UGT3A2: variants seen among roughly 807,000 people sequenced by gnomAD.
The protein encoded by UGT3A2 is UDP glycosyltransferase family 3 member A2.
A neutral mutation model predicts 39.8 loss-of-function variants in UGT3A2; 32 were observed. The observed-to-expected ratio is 0.80, with a 90% confidence interval of 0.61 to 1.08. The LOEUF (loss-of-function observed/expected upper bound fraction) is 1.08. Ranked by LOEUF, UGT3A2 falls within the 50% of genes least tolerant of loss-of-function variation. The probability of loss-of-function intolerance (pLI) is 0.00; values close to 1 mark genes in which losing one functional copy is unlikely to be tolerated. For missense variants in UGT3A2, 611 were observed against 637.1 expected (o/e 0.96, Z 0.44); for synonymous variants, 241 against 230.7 (o/e 1.04, Z -0.40).
chr5:36,041,748 C>G (rs1424909987), intron 4 of UGT3A2, among the ~76,000 whole-genome samples: 1 of 152,190 alleles, frequency 6.6e-6, no homozygotes, highest in African/African-American at 2.4e-5. Context: ...ACTCAATTCC[C>G]TTTGCACACT....
intron 2 of UGT3A2, among the ~76,000 whole-genome samples, chr5:36,061,718 T>C (rs1200850053): frequency 6.6e-6 from 1 of 151,510 alleles, no homozygotes; most frequent in Non-Finnish European, 1.5e-5. Flanking sequence ...CATGTGTCTT[T>C]ATAGCAGCAT....
intron 1 of UGT3A2, among the ~76,000 whole-genome samples, chr5:36,066,321 A>C (rs528668452): frequency 2.6e-4 from 39 of 152,096 alleles, no homozygotes; most frequent in Non-Finnish European, 4.7e-4. Flanking sequence ...CTGTGCACCC[A>C]CACACACGCA....
chr5:36,055,944 A>G (rs146726599), intron 2 of UGT3A2, among the ~76,000 whole-genome samples: 2 of 152,218 alleles, frequency 1.3e-5, no homozygotes, highest in Non-Finnish European at 2.9e-5. Context: ...ATCTTGTCCT[A>G]TCCATCTTTT....
intron 3 of UGT3A2, 56 bp from the exon 4 acceptor site, chr5:36,049,476 T>C (rs1742276210): frequency 1.5e-6 from 2 of 1,332,966 alleles, no homozygotes; most frequent in East Asian, 4.7e-5. Context: ...TTACAGTACA[T>C]AAAAGTATCT....
At chr5:36,038,194 C>T (rs940045909) in intron 5 of UGT3A2, among the ~76,000 whole-genome samples, 178 bp from the exon 6 acceptor site, 1 of 152,052 alleles carries the variant, frequency 6.6e-6, no homozygotes, top group African/African-American at 2.4e-5. Flanking sequence ...AGATTCCAAG[C>T]GTTGCTATCG....
At chr5:36,045,668 T>C (rs1384079251) in intron 4 of UGT3A2, among the ~76,000 whole-genome samples, 1 of 151,828 alleles carries the variant, frequency 6.6e-6, no homozygotes, top group African/African-American at 2.4e-5. Context: ...GACCTCAAGC[T>C]ATTAAACTAC....
chr5:36,064,218 A>G, intron 2 of UGT3A2, 31 bp downstream of exon 2: 3 of 1,592,024 alleles, frequency 1.9e-6, no homozygotes, highest in Non-Finnish European at 2.6e-6. Context: ...TGCTTGGAGT[A>G]GGAGAAATCA....
At position 36,049,231 on chromosome 5, in the gene UGT3A2, G is replaced by C. The variant is rs1379187050; in HGVS notation, c.501C>G (p.Ser167=). The C allele has an allele frequency of 6.2e-7, 1 of 1,613,998 alleles. No homozygotes were observed. Among genetic ancestry groups the C allele is most frequent in the Non-Finnish European group, 8.5e-7 (1 of 1,180,018 alleles). Residue 167 remains serine, a synonymous_variant, in exon 4 of 7, where the codon TCC becomes TCG. Transcript: ENST00000282507. ...KLGKPFVAIL[S]TSFGSLEFGL... Reference sequence around the variant, plus strand: ...CAAATTCCAAAGAGCCGAATGAAGTGGAAAGAATGGCCACAAATGGCTTCC... The same window carrying C: ...CAAATTCCAAAGAGCCGAATGAAGTCGAAAGAATGGCCACAAATGGCTTCC...
At chr5:36,046,332 C>T (rs1001944127) in intron 4 of UGT3A2, among the ~76,000 whole-genome samples, 1 of 152,200 alleles carries the variant, frequency 6.6e-6, no homozygotes, top group African/African-American at 2.4e-5. Flanking sequence ...CTGCACTATT[C>T]GCTGTAGCCA....
chr5:36,049,765 C>T (rs755438522), intron 3 of UGT3A2, among the ~76,000 whole-genome samples: 1 of 152,108 alleles, frequency 6.6e-6, no homozygotes, highest in Non-Finnish European at 1.5e-5. Flanking sequence ...CTGTTTAGCC[C>T]TCATTTACAC....
At chr5:36,048,418 C>T (rs983653438) in intron 4 of UGT3A2, among the ~76,000 whole-genome samples, 2 of 152,212 alleles carry the variant, frequency 1.3e-5, no homozygotes, top group African/African-American at 2.4e-5. Flanking sequence ...GGCAGGGAAC[C>T]CTGGAGATAA....
chr5:36,053,872 C>T (rs1742425216), intron 2 of UGT3A2, among the ~76,000 whole-genome samples: 1 of 152,184 alleles, frequency 6.6e-6, no homozygotes, highest in African/African-American at 2.4e-5. Context: ...GCAATCACAT[C>T]ACTCTGATTT....
At chr5:36,036,849 A>T (rs2111684202) in intron 6 of UGT3A2, among the ~76,000 whole-genome samples, 1 of 152,242 alleles carries the variant, frequency 6.6e-6, no homozygotes, top group East Asian at 1.9e-4. Context: ...ACTCTAATAA[A>T]TTATTCAGTC....
chr5:36,061,781 G>A (rs1398186363), intron 2 of UGT3A2, among the ~76,000 whole-genome samples: 1 of 152,010 alleles, frequency 6.6e-6, no homozygotes, highest in Non-Finnish European at 1.5e-5. Context: ...GGGTCAAATG[G>A]TATTTCTAGT....
intron 6 of UGT3A2, 136 bp from the exon 7 acceptor site, chr5:36,036,110 C>G (rs1741820618): frequency 2.6e-6 from 3 of 1,136,524 alleles, no homozygotes; most frequent in Admixed American, 2.8e-5. Context: ...TACCTGGTTC[C>G]CCTTGAAATT....
At chr5:36,055,923 G>A (rs1742496518) in intron 2 of UGT3A2, among the ~76,000 whole-genome samples, 2 of 152,110 alleles carry the variant, frequency 1.3e-5, no homozygotes, top group Non-Finnish European at 2.9e-5. Context: ...TTTATGTGTA[G>A]ACTAGTCATT....
At chr5:36,048,785 T>C in intron 4 of UGT3A2, 104 bp downstream of exon 4, 1 of 1,505,922 alleles carries the variant, frequency 6.6e-7, no homozygotes, top group South Asian at 1.3e-5. Context: ...CTCCCTTGCC[T>C]ATCCCGACTT....
chr5:36,040,948 T>C (rs1243871214), intron 4 of UGT3A2, among the ~76,000 whole-genome samples: 1 of 152,038 alleles, frequency 6.6e-6, no homozygotes, highest in Non-Finnish European at 1.5e-5. Flanking sequence ...GCAATGTGGG[T>C]ACTAGTTTAG....
chr5:36,060,878 A>G (rs1404658306), intron 2 of UGT3A2, among the ~76,000 whole-genome samples: 1 of 152,168 alleles, frequency 6.6e-6, no homozygotes, highest in Non-Finnish European at 1.5e-5. Context: ...AAATGGGGCC[A>G]GGTGCGGTGG....
Sources: gnomAD v4.1 joint callset for allele counts (sites outside exome capture counted in the v4.1 genomes callset) on GRCh38, gnomAD v4.1.1 for gene constraint, MANE v1.5 for transcripts, NCBI Gene and HGNC (gene_info 2026-07-23, HGNC 2026-07-21) for gene names.